Variants in PACS2 observed in about 807,000 individuals in gnomAD.
The protein encoded by PACS2 is phosphofurin acidic cluster sorting protein 2.
PACS2 carries 36 observed loss-of-function variants against 113.0 expected under a neutral mutation model. The ratio of observed to expected loss-of-function variants is 0.32; its 90% confidence interval spans 0.24 to 0.42. The LOEUF (loss-of-function observed/expected upper bound fraction) is 0.42, where lower values mean the gene tolerates loss of function less well. Ranked by LOEUF, PACS2 falls within the 10% of genes least tolerant of loss-of-function variation. The pLI, the probability that PACS2 is intolerant of heterozygous loss-of-function variation, is 1.00. For missense variants in PACS2, 1,015 were observed against 1,239.5 expected, an observed-to-expected ratio of 0.82 and a Z score of 2.72; for synonymous variants, 589 against 536.1, an observed-to-expected ratio of 1.10 and a Z score of -1.36.
chr14:105,367,407 G>A (rs1555408231), intron 5 of PACS2, 32 bp downstream of exon 5: 1 of 1,600,906 alleles, frequency 6.2e-7, no homozygotes, highest in South Asian at 1.1e-5. Flanking sequence ...TCCTGCCCCT[G>A]CTGTGGGGAG....
chr14:105,321,268 G>A (rs587646068), intron 1 of PACS2, among the ~76,000 whole-genome samples: 15 of 152,232 alleles, frequency 9.9e-5, no homozygotes, highest in African/African-American at 2.4e-4. Flanking sequence ...CTTCAAGTCC[G>A]TTCCCTTTTT....
At position 105,358,428 on chromosome 14, in the gene PACS2, G is replaced by A. The variant is rs892487614; in HGVS notation, c.423+3251G>A. Among the ~76,000 whole-genome samples the A allele has an allele frequency of 6.6e-6, 1 of 152,206 alleles. No individual in the cohort carries two copies. The highest frequency in any genetic ancestry group is 2.4e-5 in the African/African-American group (1 of 41,452). Reference sequence around the variant, plus strand: ...CCGCAGAGGCAGGTGTGCGGTGGGGGCAGACGTGGGGCCTTCTCCTGTGGT... The same window carrying A: ...CCGCAGAGGCAGGTGTGCGGTGGGGACAGACGTGGGGCCTTCTCCTGTGGT... On this transcript the variant is annotated intron_variant, in intron 4 of 24. Transcript: ENST00000447393. This position sits in a 1 kb window ranked among gnomAD's most constrained non-coding sequence, Gnocchi z 4.9.
intron 11 of PACS2, 41 bp from the exon 12 acceptor site, chr14:105,380,916 T>G: frequency 6.3e-7 from 1 of 1,576,892 alleles, no homozygotes; most frequent in South Asian, 1.2e-5. Flanking sequence ...AGCACGGGTG[T>G]GGTTTCCACG....
intron 19 of PACS2, chr14:105,389,447 A>T (rs2081283840): frequency 5.8e-6 from 1 of 172,350 alleles, no homozygotes; most frequent in South Asian, 1.5e-4. Context: ...GACGTTACCC[A>T]GATAGTCTGG....
rs2060534444 is a variant in PACS2, at chr14:105,358,330, T to A, written c.423+3153T>A. On this transcript the variant is annotated intron_variant, in intron 4 of 24. Coordinates refer to ENST00000447393, the MANE Select transcript of PACS2 (RefSeq NM_001100913.3). The surrounding 1 kb of genome is among the most constrained non-coding windows in gnomAD (Gnocchi z 4.9). ...GAGTGACCGCAGCCCCAGGGCCTGC[T>A]GGGCACGCGCCTCTGCCTGCCACTT... Among the ~76,000 whole-genome samples, 1 of 152,198 alleles carries A rather than the reference T, an allele frequency of 6.6e-6. No homozygotes were observed.
At chr14:105,309,667 C>G (rs1263897590), upstream of PACS2, among the ~76,000 whole-genome samples, 1 of 152,144 alleles carries the variant, frequency 6.6e-6, no homozygotes, top group Non-Finnish European at 1.5e-5. This position sits in a 1 kb window ranked among gnomAD's most constrained non-coding sequence, Gnocchi z 4.0. Flanking sequence ...GCTGCCTGCG[C>G]CCAACCCAGG....
rs782301844 is a variant in PACS2 at position 105,382,816 on chromosome 14, G to T, written c.1528G>T (p.Asp510Tyr). The T allele has an allele frequency of 1.9e-6, 3 of 1,594,990 alleles. No individual in the cohort carries two copies. Among genetic ancestry groups the T allele is most frequent in the Non-Finnish European group, 2.6e-6 (3 of 1,170,322 alleles). ...TSDWQGQFLS[D>Y]VLQRHTLPVV... ...GCCTGTCTTCTGCCAGTTCCTCTCCGACGTCCTGCAGAGGCACACGCTCCC... is the reference window on the plus strand; with the variant it reads ...GCCTGTCTTCTGCCAGTTCCTCTCCTACGTCCTGCAGAGGCACACGCTCCC... Residue 510 changes from aspartate to tyrosine, a missense_variant, in exon 15 of 25, where the codon GAC becomes TAC. Physicochemically the swap from Asp to Tyr is radical, Grantham distance 160. Coordinates refer to ENST00000447393, the MANE Select transcript of PACS2 (RefSeq NM_001100913.3).
chr14:105,330,529 G>C lies in PACS2; in HGVS notation c.119+15492G>C, dbSNP rs1181033893. ...TCACCTCCTGGGAGGGAGTGGGGCC[G>C]CAGCCAGCCCTGACCCAGCTGGGTG... On this transcript the variant is annotated intron_variant, in intron 1 of 24. Transcript: ENST00000447393. The surrounding 1 kb of genome is among the most constrained non-coding windows in gnomAD (Gnocchi z 6.9). 6.6e-6 allele frequency among the ~76,000 whole-genome samples: 1 copy of C among 152,276 alleles called. No homozygotes were observed. The highest frequency in any genetic ancestry group is 2.1e-4 in the South Asian group (1 of 4,824).
chr14:105,323,113 G>A lies in PACS2; in HGVS notation c.119+8076G>A, dbSNP rs2058962678. Among the ~76,000 whole-genome samples, 1 of 152,194 alleles carries A rather than the reference G, an allele frequency of 6.6e-6. No individual in the cohort carries two copies. The highest frequency in any genetic ancestry group is 2.1e-4 in the South Asian group (1 of 4,828). On this transcript the variant is annotated intron_variant, in intron 1 of 24. Coordinates refer to ENST00000447393, the MANE Select transcript of PACS2 (RefSeq NM_001100913.3). The surrounding 1 kb of genome is among the most constrained non-coding windows in gnomAD (Gnocchi z 4.1). The stretch of plus-strand genomic sequence containing the variant: ...CGTTGCCAACGGTCGTCTCATGGTG[G>A]GTCCTGGTGTGGGTTCTCTTGTGAT...
At position 105,329,640 on chromosome 14, in the gene PACS2, C is replaced by T. The variant is rs1237893879; in HGVS notation, c.119+14603C>T. On this transcript the variant is annotated intron_variant, in intron 1 of 24. Coordinates refer to ENST00000447393, the MANE Select transcript of PACS2 (RefSeq NM_001100913.3). The surrounding 1 kb of genome is among the most constrained non-coding windows in gnomAD (Gnocchi z 6.4). ...CTGGGCTTGGGGGCGGGGCTTCTCA[C>T]GATGGCTCAGGGAGGTCCAGACAGC... 6.6e-6 allele frequency among the ~76,000 whole-genome samples: 1 copy of T among 152,134 alleles called. No homozygotes were observed. The highest frequency in any genetic ancestry group is 1.5e-5 in the Non-Finnish European group (1 of 68,014).
rs980461811 is a variant in PACS2, at chr14:105,317,232, G to A, written c.119+2195G>A. 5.9e-5 allele frequency among the ~76,000 whole-genome samples: 9 copies of A among 152,192 alleles called. No individual in the cohort carries two copies. The highest frequency in any genetic ancestry group is 1.9e-4 in the African/African-American group (8 of 41,440). ...TACCTCGGCTTTGCTTCTGTCAAGG[G>A]ACCTTGGCTTGTTTCCAGTTTTTTG... is the stretch of plus-strand genomic sequence containing the variant. On this transcript the variant is annotated intron_variant, in intron 1 of 24. Coordinates refer to ENST00000447393, the MANE Select transcript of PACS2 (RefSeq NM_001100913.3). This position sits in a 1 kb window ranked among gnomAD's most constrained non-coding sequence, Gnocchi z 4.2.
At chr14:105,360,847 G>A (rs1331574383) in intron 4 of PACS2, among the ~76,000 whole-genome samples, 5 of 152,162 alleles carry the variant, frequency 3.3e-5, no homozygotes, top group African/African-American at 1.2e-4. Context: ...GTTACTAACC[G>A]AGACGGTGGA....
upstream of PACS2, among the ~76,000 whole-genome samples, chr14:105,312,259 G>C (rs773811230): frequency 4.3e-4 from 65 of 152,360 alleles, no homozygotes; most frequent in South Asian, 2.5e-3. Context: ...CCATGACTGG[G>C]GGTTGGGGCT....
At position 105,376,670 on chromosome 14, in the gene PACS2, G is replaced by T; in HGVS notation, c.802-98G>T. On this transcript the variant is annotated intron_variant, in intron 8 of 24. Coordinates refer to ENST00000447393, the MANE Select transcript of PACS2 (RefSeq NM_001100913.3). This position sits in a 1 kb window ranked among gnomAD's most constrained non-coding sequence, Gnocchi z 4.7. Reference sequence around the variant, plus strand: ...GGAGGGGTTTGGTGGCTGGGTGCCCGCCTCCTATTGCTCCTGCAGACTCTG... The same window carrying T: ...GGAGGGGTTTGGTGGCTGGGTGCCCTCCTCCTATTGCTCCTGCAGACTCTG... 1 of 1,156,390 alleles carries T rather than the reference G, an allele frequency of 8.6e-7. No homozygotes were observed. Among genetic ancestry groups the T allele is most frequent in the Non-Finnish European group, 1.2e-6 (1 of 813,134 alleles). 71.6% of individuals were successfully genotyped at this position (1,156,390 alleles called of 1,614,324 possible).
intron 19 of PACS2, among the ~76,000 whole-genome samples, chr14:105,385,971 G>T (rs782508744): frequency 5.9e-5 from 9 of 152,330 alleles, no homozygotes; most frequent in Non-Finnish European, 1.2e-4. Context: ...CAGCAGATGG[G>T]CCCTCCTGTC....
upstream of PACS2, among the ~76,000 whole-genome samples, chr14:105,312,065 C>T (rs898865626): frequency 4.6e-5 from 7 of 152,342 alleles, no homozygotes; most frequent in Admixed American, 3.3e-4. Flanking sequence ...GCCCCTCCCC[C>T]ACTCCCCGAC....
At chr14:105,345,100 C>G (rs114780678) in intron 1 of PACS2, among the ~76,000 whole-genome samples, 5,517 of 151,312 alleles carry the variant, frequency 0.036, 370 homozygotes, top group African/African-American at 0.13. Context: ...CACAGTGTGA[C>G]TCCATCTCAA....
chr14:105,383,367 G>A lies in PACS2; in HGVS notation c.1634G>A (p.Cys545Tyr), dbSNP rs782391411. 5 of 1,607,040 alleles carry A rather than the reference G, an allele frequency of 3.1e-6. No homozygotes were observed. The African/African-American group carries it at 6.7e-5, about 21-fold the overall frequency. The change falls in exon 16 of 25, where the codon TGC (cysteine) becomes TAC (tyrosine). Residue 545 changes from cysteine (C) to tyrosine (Y), a missense_variant. By Grantham distance (194) the Cys-to-Tyr change is radical (BLOSUM62 -2). Coordinates refer to ENST00000447393, the MANE Select transcript of PACS2 (RefSeq NM_001100913.3). ...CTGCCTCTGGATTGCAGCTGCAACT[G>A]CAATTCCCAGCCCCCGACCCCCGTG... ...IVSRIQRYCN[C>Y]NSQPPTPVKI...
chr14:105,333,259 C>T (rs2059373914), intron 1 of PACS2, among the ~76,000 whole-genome samples: 1 of 152,250 alleles, frequency 6.6e-6, no homozygotes, highest in South Asian at 2.1e-4. Flanking sequence ...AGTCATCCTC[C>T]TGCCCACAGC....
Sources: gnomAD v4.1 joint callset for allele counts (sites outside exome capture counted in the v4.1 genomes callset) on GRCh38, gnomAD v4.1.1 for gene constraint, Gnocchi (gnomAD v3.1) non-coding constraint, MANE v1.5 for transcripts, NCBI Gene and HGNC (gene_info 2026-07-23, HGNC 2026-07-21) for gene names.